Variants in CPEB1 observed in about 807,000 individuals in gnomAD.
CPEB1 encodes cytoplasmic polyadenylation element-binding protein 1.
A neutral mutation model predicts 65.8 loss-of-function variants in CPEB1; 7 were observed. The ratio of observed to expected loss-of-function variants is 0.11; its 90% CI spans 0.06 to 0.20. The LOEUF (loss-of-function observed/expected upper bound fraction) is 0.20. Among genes scored for constraint, CPEB1 ranks in the 10% least tolerant of loss-of-function variants. The pLI, the probability that CPEB1 is intolerant of heterozygous loss-of-function variation, is 1.00. For missense variants in CPEB1, 551 were observed against 712.2 expected (o/e 0.77, Z 2.58); for synonymous variants, 262 against 260.0 (o/e 1.01, Z -0.08).
At chr15:82,620,219 C>T (rs2151290247) in intron 3 of CPEB1, among the ~76,000 whole-genome samples, 1 of 152,010 alleles carries the variant, frequency 6.6e-6, no homozygotes, top group East Asian at 1.9e-4. Context: ...CCAGCCTTGC[C>T]AATATGGTGA....
At chr15:82,572,141 C>T (rs1196103086) in intron 3 of CPEB1, 2 of 152,426 alleles carry the variant, frequency 1.3e-5, no homozygotes, top group African/African-American at 4.8e-5. Flanking sequence ...CCCAAAAACA[C>T]TCTAGTCCTG....
intron 3 of CPEB1, among the ~76,000 whole-genome samples, chr15:82,615,481 T>C (rs1346818922): frequency 6.6e-6 from 1 of 152,226 alleles, no homozygotes; most frequent in East Asian, 1.9e-4. Flanking sequence ...TCAGTGATTT[T>C]AATTATATAA....
intron 4 of CPEB1, among the ~76,000 whole-genome samples, chr15:82,565,017 G>A (rs2038891858): frequency 6.6e-6 from 1 of 152,136 alleles, no homozygotes; most frequent in Non-Finnish European, 1.5e-5. Flanking sequence ...ATTAACACGT[G>A]GGATGTCAGC....
At chr15:82,629,121 C>T (rs1251135620) in intron 1 of CPEB1, 1 of 236,592 alleles carries the variant, frequency 4.2e-6, no homozygotes, top group Admixed American at 6.5e-5. Flanking sequence ...GTCAATACAG[C>T]TGTTTAAAAA....
rs75660062 is a variant in CPEB1, at chr15:82,552,122, G to C, written c.1281+358C>G. Among the ~76,000 whole-genome samples, 1,016 of 152,290 alleles carry C rather than the reference G, an allele frequency of 6.7e-3. 7 individuals carry two copies. The highest frequency in any genetic ancestry group is 0.023 in the African/African-American group (949 of 41,560). ...GGGAAAAACAGCTGTAGGTTTATCA[G>C]TTAAGTCCAAGTAGAGAAGTTTGCT... On this transcript the variant is annotated intron_variant, in intron 9 of 12. Coordinates refer to ENST00000684509, the MANE Select transcript of CPEB1 (RefSeq NM_001365242.1).
intron 5 of CPEB1, 39 bp downstream of exon 5, chr15:82,557,721 C>T: frequency 1.3e-6 from 2 of 1,577,990 alleles, no homozygotes; most frequent in Non-Finnish European, 1.7e-6. Flanking sequence ...ACACAGGCAA[C>T]TCCACCCACA....
intron 3 of CPEB1, among the ~76,000 whole-genome samples, chr15:82,616,595 T>A (rs2044738201): frequency 6.7e-6 from 1 of 149,396 alleles, no homozygotes; most frequent in African/African-American, 2.5e-5. Flanking sequence ...CAGACTGGAG[T>A]GCAGTGGCAT....
At chr15:82,570,526 ACTTGTATTTAGGCAACC>A (rs2039863085) in intron 4 of CPEB1, among the ~76,000 whole-genome samples, 1 of 152,148 alleles carries the variant, frequency 6.6e-6, no homozygotes, top group African/African-American at 2.4e-5. Flanking sequence ...ATACTCCAAG[ACTTGTATTTAGGCAACC>A]CTCCTCCTTG....
chr15:82,553,757 C>T, intron 7 of CPEB1, 121 bp downstream of exon 7: 1 of 796,692 alleles, frequency 1.3e-6, no homozygotes, highest in Non-Finnish European at 2.2e-6. Context: ...CCCTCAGACA[C>T]TCATGTAATA....
chr15:82,598,270 G>C (rs1333298323), intron 3 of CPEB1, among the ~76,000 whole-genome samples: 11 of 88,566 alleles, frequency 1.2e-4, no homozygotes, highest in Non-Finnish European at 2.3e-4. Context: ...GAGGTGGGTG[G>C]ATCACCTGAG....
intron 1 of CPEB1, among the ~76,000 whole-genome samples, chr15:82,634,972 G>A (rs2046542502): frequency 6.6e-6 from 1 of 152,134 alleles, no homozygotes; most frequent in South Asian, 2.1e-4. Flanking sequence ...TGGTGCCTAT[G>A]CCTCCTGAGT....
intron 4 of CPEB1, among the ~76,000 whole-genome samples, chr15:82,560,060 G>C (rs571511104): frequency 3.3e-5 from 5 of 152,260 alleles, no homozygotes; most frequent in African/African-American, 9.6e-5. Flanking sequence ...CTCCAGCCTG[G>C]GTGATAGAGC....
chr15:82,626,323 A>G (rs1215482014), intron 3 of CPEB1, among the ~76,000 whole-genome samples: 2 of 152,090 alleles, frequency 1.3e-5, no homozygotes, highest in Non-Finnish European at 2.9e-5. Context: ...AATCCCAGCT[A>G]CTAGGGAGGC....
At position 82,630,717 on chromosome 15, in the gene CPEB1, G is replaced by C. The variant is rs55898630; in HGVS notation, c.-97-2161C>G. 7.4e-3 allele frequency among the ~76,000 whole-genome samples: 1,134 copies of C among 152,276 alleles called. 12 individuals are homozygous for C. Among genetic ancestry groups the C allele is most frequent in the Non-Finnish European group, 8.4e-3 (574 of 68,022 alleles). On this transcript the variant is annotated intron_variant, in intron 1 of 12. Transcript: ENST00000684509. Reference sequence around the variant, plus strand: ...CCTCCAAGCCAAGGTGGCCTGGAGGGACAGAATGTGCCTGGAAATGGGGGT... The same window carrying C: ...CCTCCAAGCCAAGGTGGCCTGGAGGCACAGAATGTGCCTGGAAATGGGGGT...
chr15:82,634,176 T>C (rs996854430), intron 1 of CPEB1, among the ~76,000 whole-genome samples: 3 of 127,170 alleles, frequency 2.4e-5, no homozygotes, highest in African/African-American at 1.0e-4. Context: ...TGTTTTAGCA[T>C]ATAACTGGTT....
upstream of CPEB1, chr15:82,647,995 A>T: frequency 1.4e-6 from 1 of 732,512 alleles, no homozygotes; most frequent in Non-Finnish European, 1.9e-6. Flanking sequence ...GCAGCTTATG[A>T]AGCTCCTACG....
At chr15:82,563,503 ATTT>A (rs373097628) in intron 4 of CPEB1, among the ~76,000 whole-genome samples, 25 of 134,762 alleles carry the variant, frequency 1.9e-4, no homozygotes, top group African/African-American at 2.5e-4. Flanking sequence ...TGTCTGACTA[ATTT>A]TTTTTTTTTT....
chr15:82,553,889 T>C lies in CPEB1; in HGVS notation c.1043A>G (p.Asp348Gly). Reference protein sequence around the residue: ...CKVFLGGVPWDITEAGLVNTF... With the variant: ...CKVFLGGVPWGITEAGLVNTF... The stretch of plus-strand genomic sequence containing the variant: ...TAGAGACAGCTCACCTTCTGTAATA[T>C]CCCAAGGAACACCTCCTAGAAACAC... Residue 348 changes from aspartate to glycine, a missense_variant, in exon 7 of 13, where the codon GAT (aspartate) becomes GGT (glycine). By Grantham distance (94) the Asp-to-Gly change is moderately conservative. This residue lies in a region of CPEB1 where 99 missense variants were observed against 161.3 expected (regional missense o/e 0.61). Coordinates refer to ENST00000684509, the MANE Select transcript of CPEB1 (RefSeq NM_001365242.1). The C allele has an allele frequency of 6.2e-7, 1 of 1,607,910 alleles. No individual in the cohort carries two copies. The highest frequency in any genetic ancestry group is 8.5e-7 in the Non-Finnish European group (1 of 1,175,150).
intron 3 of CPEB1, among the ~76,000 whole-genome samples, chr15:82,590,847 TCC>T (rs201315567): frequency 0.018 from 2,687 of 152,334 alleles, 30 homozygotes; most frequent in Non-Finnish European, 0.025. Context: ...GGACATGATC[TCC>T]TTCTTCACGG....
Sources: allele counts gnomAD v4.1 joint callset (sites outside exome capture counted in the v4.1 genomes callset), GRCh38; gene constraint gnomAD v4.1.1; regional missense constraint gnomAD v4.1.1; transcripts MANE v1.5; gene names NCBI Gene and HGNC (gene_info 2026-07-23, HGNC 2026-07-21).